The following ATG10 variants were observed in gnomAD, a reference collection of about 807,000 sequenced individuals.
The protein encoded by ATG10 is autophagy related 10.
A neutral mutation model predicts 32.1 loss-of-function variants in ATG10; 30 were observed. That is an observed-to-expected ratio of 0.94 (90% CI 0.70 to 1.27). The LOEUF (loss-of-function observed/expected upper bound fraction) is 1.27, where lower values mean the gene tolerates loss of function less well. Ranked by LOEUF, ATG10 falls within the 50% of genes most tolerant of loss-of-function variation. The pLI is 0.00. For missense variants in ATG10, 233 were observed against 262.3 expected (o/e 0.89, Z 0.77); for synonymous variants, 87 against 91.5 (o/e 0.95, Z 0.28).
intron 3 of ATG10, among the ~76,000 whole-genome samples, chr5:82,120,347 A>C (rs1208151028): frequency 1.3e-5 from 2 of 152,338 alleles, no homozygotes; most frequent in African/African-American, 4.8e-5. Flanking sequence ...GCCAGGTTCC[A>C]GGAAAGTCTT....
chr5:82,243,217 G>A (rs550979781), intron 5 of ATG10, among the ~76,000 whole-genome samples: 1 of 151,714 alleles, frequency 6.6e-6, no homozygotes, highest in East Asian at 1.9e-4. Context: ...TTAATCCTAC[G>A]CTTAGTCAAT....
chr5:82,213,190 T>C (rs1441058278), intron 5 of ATG10, among the ~76,000 whole-genome samples: 4 of 152,200 alleles, frequency 2.6e-5, no homozygotes, highest in African/African-American at 9.6e-5. Context: ...ATTTTGAACT[T>C]AGTTTAACTC....
chr5:82,114,479 A>T (rs324904), intron 3 of ATG10, among the ~76,000 whole-genome samples: 38,476 of 151,944 alleles, frequency 0.25, 5,373 homozygotes, highest in African/African-American at 0.37. Flanking sequence ...AGCAATAATA[A>T]TTTTTCCTAG....
At chr5:82,165,837 G>A (rs1743558149) in intron 4 of ATG10, among the ~76,000 whole-genome samples, 1 of 152,170 alleles carries the variant, frequency 6.6e-6, no homozygotes, top group Non-Finnish European at 1.5e-5. Flanking sequence ...GTTCTGGTTT[G>A]CAATGGCTCT....
intron 2 of ATG10, among the ~76,000 whole-genome samples, chr5:82,024,763 G>A (rs890665672): frequency 2.0e-5 from 3 of 152,290 alleles, no homozygotes; most frequent in East Asian, 1.9e-4. Flanking sequence ...ATAAGCTAAG[G>A]GCTGGGTGGC....
intron 5 of ATG10, among the ~76,000 whole-genome samples, chr5:82,217,796 G>A (rs1249593421): frequency 9.6e-5 from 14 of 146,154 alleles, no homozygotes; most frequent in African/African-American, 3.6e-4. Context: ...AATATAACAA[G>A]ACCCCCTCTC....
At chr5:82,057,825 A>G (rs925441026) in intron 2 of ATG10, among the ~76,000 whole-genome samples, 9 of 152,106 alleles carry the variant, frequency 5.9e-5, no homozygotes, top group African/African-American at 1.9e-4. Flanking sequence ...TGTAAGGAGT[A>G]TTTGCAAATG....
At chr5:82,197,712 T>TTCTG (rs1385669797) in intron 5 of ATG10, among the ~76,000 whole-genome samples, 43 of 145,028 alleles carry the variant, frequency 3.0e-4, no homozygotes, top group African/African-American at 1.0e-3. Flanking sequence ...TTTTCTTTCT[T>TTCTG]TCTTTCTTTC....
At chr5:82,082,721 T>C (rs1005346625) in intron 3 of ATG10, among the ~76,000 whole-genome samples, 1 of 152,066 alleles carries the variant, frequency 6.6e-6, no homozygotes, top group African/African-American at 2.4e-5. Context: ...TTTCATGAAA[T>C]AGAAACCATA....
intron 5 of ATG10, among the ~76,000 whole-genome samples, chr5:82,215,361 C>T (rs1745636000): frequency 1.3e-5 from 2 of 152,186 alleles, no homozygotes; most frequent in African/African-American, 4.8e-5. Flanking sequence ...ATGGAAGTGG[C>T]TTCCCATCAC....
At chr5:82,217,330 C>T (rs1177295927) in intron 5 of ATG10, among the ~76,000 whole-genome samples, 3 of 152,032 alleles carry the variant, frequency 2.0e-5, no homozygotes, top group African/African-American at 7.3e-5. Context: ...ATGACCACAA[C>T]GAACATTGTT....
intron 2 of ATG10, among the ~76,000 whole-genome samples, chr5:82,034,330 T>C (rs1762845259): frequency 6.6e-6 from 1 of 152,190 alleles, no homozygotes; most frequent in Admixed American, 6.5e-5. Flanking sequence ...TTACATTCCA[T>C]GTTTGATCCA....
intron 2 of ATG10, among the ~76,000 whole-genome samples, chr5:81,998,285 A>G (rs1761728539): frequency 1.3e-5 from 2 of 152,240 alleles, no homozygotes; most frequent in Admixed American, 1.3e-4. Flanking sequence ...ATTCAGCCAA[A>G]CTAAGTTTCA....
intron 5 of ATG10, among the ~76,000 whole-genome samples, chr5:82,219,651 C>T (rs1479490107): frequency 6.6e-6 from 1 of 152,214 alleles, no homozygotes; most frequent in Non-Finnish European, 1.5e-5. Context: ...TTGGGCCAAT[C>T]ACCAGCAACA....
intron 3 of ATG10, among the ~76,000 whole-genome samples, chr5:82,086,156 G>C (rs924537279): frequency 6.6e-6 from 1 of 151,930 alleles, no homozygotes; most frequent in Non-Finnish European, 1.5e-5. Flanking sequence ...AACCTTTATT[G>C]AATAAATACT....
chr5:82,150,542 C>T (rs747943778), intron 3 of ATG10, among the ~76,000 whole-genome samples: 3 of 152,140 alleles, frequency 2.0e-5, no homozygotes, highest in Non-Finnish European at 4.4e-5. Flanking sequence ...AAAAAGTAGT[C>T]CAATGCCCAG....
chr5:82,021,883 C>T (rs911836012), intron 2 of ATG10, among the ~76,000 whole-genome samples: 7 of 152,168 alleles, frequency 4.6e-5, no homozygotes, highest in African/African-American at 1.7e-4. Flanking sequence ...ATTAGCCAGG[C>T]GTGGTGGCGG....
chr5:82,218,593 G>GT (rs1009826809), intron 5 of ATG10, among the ~76,000 whole-genome samples: 5 of 151,686 alleles, frequency 3.3e-5, no homozygotes, highest in Non-Finnish European at 5.9e-5. Context: ...GAGTCTCTGT[G>GT]TTTTTTTTCT....
intron 3 of ATG10, among the ~76,000 whole-genome samples, chr5:82,066,888 G>T (rs1364811393): frequency 2.6e-5 from 4 of 152,014 alleles, no homozygotes; most frequent in Non-Finnish European, 5.9e-5. Flanking sequence ...TGCTATTTTT[G>T]GACTGAACTA....
Sources: allele counts gnomAD v4.1 joint callset (sites outside exome capture counted in the v4.1 genomes callset), GRCh38; gene constraint gnomAD v4.1.1; transcripts MANE v1.5; gene names NCBI Gene and HGNC (gene_info 2026-07-23, HGNC 2026-07-21).